UNC79: variants seen among roughly 807,000 people sequenced by gnomAD.
The protein encoded by UNC79 is unc-79 subunit of NALCN channel complex, also known as protein unc-79 homolog.
A neutral mutation model predicts 283.1 loss-of-function variants in UNC79; 37 were observed. The ratio of observed to expected loss-of-function variants is 0.13; its 90% CI spans 0.10 to 0.17. The LOEUF (loss-of-function observed/expected upper bound fraction) is 0.17. Among genes scored for constraint, UNC79 ranks in the 10% least tolerant of loss-of-function variants. The pLI is 1.00. For missense variants in UNC79, 2,272 were observed against 3,211.1 expected (o/e 0.71, Z 7.07); for synonymous variants, 1,107 against 1,200.2 (o/e 0.92, Z 1.61).
chr14:93,518,831 T>C (rs1329205410), intron 7 of UNC79, among the ~76,000 whole-genome samples: 1 of 151,968 alleles, frequency 6.6e-6, no homozygotes, highest in Non-Finnish European at 1.5e-5. Context: ...TGTAAATATT[T>C]GGTAATTTTT....
chr14:93,458,011 A>G (rs1056844509), intron 1 of UNC79, among the ~76,000 whole-genome samples: 1 of 152,260 alleles, frequency 6.6e-6, no homozygotes, highest in African/African-American at 2.4e-5. Context: ...GGTTTCAGGC[A>G]TAATTTTTAC....
intron 1 of UNC79, among the ~76,000 whole-genome samples, chr14:93,457,476 G>A (rs1277818971): frequency 6.6e-6 from 1 of 152,230 alleles, no homozygotes; most frequent in African/African-American, 2.4e-5. Context: ...GCAAAGAAGT[G>A]TGGATTGCAT....
rs1596221031 is a variant in UNC79, at chr14:93,646,729, G to A, written c.6083+83G>A. On this transcript the variant is annotated intron_variant, in intron 35 of 48. Transcript: ENST00000555664. ...CCTGTTTCTAAAACACCAGTGTGGG[G>A]CTGGGTGCAGTGGCTCGCGTCTGTA... 8.0e-6 allele frequency: 12 copies of A among 1,500,520 alleles called. No homozygotes were observed. The South Asian group carries it at 1.3e-4, about 16-fold the overall frequency. 93.0% of individuals were successfully genotyped at this position (1,500,520 alleles called of 1,614,324 possible).
At chr14:93,570,231 A>C (rs2063137040) in intron 14 of UNC79, among the ~76,000 whole-genome samples, 1 of 152,138 alleles carries the variant, frequency 6.6e-6, no homozygotes, top group African/African-American at 2.4e-5. Context: ...TTAATACCTC[A>C]AAGAATTGGG....
Position 93,531,088 on chromosome 14 carries a change from C to T in UNC79, c.1094-1462C>T, listed in dbSNP as rs2060803181. ...GTTATAAAATATAAGTTATAAAATCCTTTTTAAATATGTTGCTGAGTTCTG... is the reference window on the plus strand; with the variant it reads ...GTTATAAAATATAAGTTATAAAATCTTTTTTAAATATGTTGCTGAGTTCTG... On this transcript the variant is annotated intron_variant, in intron 10 of 48. Coordinates refer to ENST00000555664, the Ensembl canonical transcript of UNC79. The surrounding 1 kb of genome is among the most constrained non-coding windows in gnomAD (Gnocchi z 4.2). 6.6e-6 allele frequency among the ~76,000 whole-genome samples: 1 copy of T among 152,048 alleles called. No individual in the cohort carries two copies. Among genetic ancestry groups the T allele is most frequent in the African/African-American group, 2.4e-5 (1 of 41,376 alleles).
At chr14:93,600,359 A>C (rs544722556) in intron 24 of UNC79, among the ~76,000 whole-genome samples, 1 of 149,162 alleles carries the variant, frequency 6.7e-6, no homozygotes, top group Non-Finnish European at 1.5e-5. Flanking sequence ...GAGATATTCT[A>C]CAAGGAAGAT....
intron 7 of UNC79, among the ~76,000 whole-genome samples, chr14:93,509,837 C>T (rs942901640): frequency 6.6e-6 from 1 of 152,112 alleles, no homozygotes. Flanking sequence ...GGACAGTGGA[C>T]CTCTTCTCAC....
intron 7 of UNC79, among the ~76,000 whole-genome samples, chr14:93,511,350 A>G (rs2059815487): frequency 1.3e-5 from 2 of 152,238 alleles, no homozygotes; most frequent in Admixed American, 1.3e-4. Flanking sequence ...TATTAGCTGT[A>G]GGGTTTTGCA....
intron 14 of UNC79, among the ~76,000 whole-genome samples, chr14:93,557,894 T>C (rs573845251): frequency 1.3e-5 from 2 of 152,316 alleles, no homozygotes; most frequent in Non-Finnish European, 2.9e-5. Flanking sequence ...TCCTTAAGGC[T>C]AGCCATGACA....
chr14:93,659,088 T>A, intron 38 of UNC79, 105 bp from the exon 42 acceptor site: 1 of 846,864 alleles, frequency 1.2e-6, no homozygotes, highest in Non-Finnish European at 1.8e-6. Flanking sequence ...GCAGTCATAT[T>A]TCAGATTTTC....
intron 41 of UNC79, among the ~76,000 whole-genome samples, chr14:93,681,799 T>G (rs532235107): frequency 6.6e-6 from 1 of 152,322 alleles, no homozygotes; most frequent in Non-Finnish European, 1.5e-5. Flanking sequence ...AATAATTGAG[T>G]GCTGCATTAA....
chr14:93,333,482 G>T lies in UNC79; in HGVS notation c.-392G>T, dbSNP rs1031606711. The T allele has an allele frequency of 1.0e-5, 4 of 398,574 alleles. No individual in the cohort carries two copies. The Admixed American group carries it at 1.8e-4, about 18-fold the overall frequency. 24.7% of individuals were successfully genotyped at this position (398,574 alleles called of 1,614,324 possible). On this transcript the variant is annotated 5_prime_UTR_variant, in exon 1 of 50. Transcript: ENST00000256339. ...CGGAAAGTCATTGCTGACAGTCCTG[G>T]CATTCCGGTGGCTGCTTCTTGGCAG...
Position 93,617,224 on chromosome 14 carries a change from C to T in UNC79, c.4144C>T (p.Pro1382Ser). The change falls in exon 28 of 49, where the codon CCG becomes TCG. Residue 1382 changes from proline to serine, a missense_variant. Pro to Ser is a moderately conservative substitution (Grantham distance 74). Coordinates refer to ENST00000555664, the Ensembl canonical transcript of UNC79. The surrounding 1 kb of genome is among the most constrained non-coding windows in gnomAD (Gnocchi z 4.5). Reference sequence around the variant, plus strand: ...TCAACTCCGGCATTATTTCCAACAGCCGCCTCGTTGCTCCCTCTGGTCCCT... The same window carrying T: ...TCAACTCCGGCATTATTTCCAACAGTCGCCTCGTTGCTCCCTCTGGTCCCT... 1 of 1,614,214 alleles carries T rather than the reference C, an allele frequency of 6.2e-7. No homozygotes were observed. The highest frequency in any genetic ancestry group is 8.5e-7 in the Non-Finnish European group (1 of 1,180,020).
intron 39 of UNC79, among the ~76,000 whole-genome samples, chr14:93,660,614 G>C (rs2071494571): frequency 7.0e-6 from 1 of 142,610 alleles, no homozygotes; most frequent in African/African-American, 2.7e-5. Flanking sequence ...TTTTGAGACA[G>C]AGTCTCGCTC....
At chr14:93,336,758 T>C (rs1051076140) in intron 1 of UNC79, among the ~76,000 whole-genome samples, 4 of 152,232 alleles carry the variant, frequency 2.6e-5, no homozygotes, top group Non-Finnish European at 4.4e-5. Flanking sequence ...ACATTAATCA[T>C]GAAGACAAGA....
chr14:93,461,117 G>A (rs1431558878), intron 1 of UNC79, among the ~76,000 whole-genome samples: 2 of 152,172 alleles, frequency 1.3e-5, no homozygotes, highest in African/African-American at 4.8e-5. Flanking sequence ...TTTTCTAGAA[G>A]GATAACATGC....
At chr14:93,497,422 G>A in intron 7 of UNC79, 136 bp downstream of exon 7, 1 of 1,236,032 alleles carries the variant, frequency 8.1e-7, no homozygotes, top group Non-Finnish European at 1.1e-6. Context: ...AATCCTTTCT[G>A]AAACTAAGTG....
Position 93,662,589 on chromosome 14 carries a change from C to G in UNC79, c.6526-15C>G, listed in dbSNP as rs773135303. The G allele has an allele frequency of 2.6e-6, 4 of 1,565,284 alleles. 1 individual carries two copies. In the South Asian group the frequency reaches 3.5e-5, roughly 14 times the overall value. ...AATCAGCAATTGACTTTATTTGGCCCCAATCTCATTGCAGAGTTTGTTGGA... is the reference window on the plus strand; with the variant it reads ...AATCAGCAATTGACTTTATTTGGCCGCAATCTCATTGCAGAGTTTGTTGGA... On this transcript the variant is annotated splice_polypyrimidine_tract_variant and intron_variant, in intron 39 of 48. Coordinates refer to ENST00000555664, the Ensembl canonical transcript of UNC79.
At chr14:93,518,159 G>A (rs1158407689) in intron 7 of UNC79, among the ~76,000 whole-genome samples, 3 of 152,156 alleles carry the variant, frequency 2.0e-5, no homozygotes, top group Middle Eastern at 6.8e-3. Flanking sequence ...ATTTCTGAAA[G>A]AGTTTATGTA....
Sources: allele counts gnomAD v4.1 joint callset (sites outside exome capture counted in the v4.1 genomes callset), GRCh38; gene constraint gnomAD v4.1.1; non-coding constraint Gnocchi (gnomAD v3.1); transcripts MANE v1.5; gene names NCBI Gene and HGNC (gene_info 2026-07-23, HGNC 2026-07-21).